The following PGAP4 variants were observed in gnomAD, a reference collection of about 807,000 sequenced individuals.
PGAP4 encodes post-GPI attachment to proteins GalNAc transferase 4, also known as GPI-N-acetylgalactosamine transferase PGAP4.
PGAP4 carries 12 observed loss-of-function variants against 28.2 expected under a neutral mutation model. That is an observed-to-expected ratio of 0.42 (90% CI 0.27 to 0.69). The LOEUF is 0.69. Among genes scored for constraint, PGAP4 ranks in the 30% least tolerant of loss-of-function variants. The pLI is 0.22. For missense variants in PGAP4, 425 were observed against 513.5 expected (o/e 0.83, Z 1.67); for synonymous variants, 205 against 211.8 (o/e 0.97, Z 0.28).
intron 2 of PGAP4, among the ~76,000 whole-genome samples, chr9:101,500,097 T>G (rs1296538872): frequency 1.3e-5 from 2 of 152,078 alleles, no homozygotes; most frequent in African/African-American, 2.4e-5. Flanking sequence ...CATGTATTTG[T>G]TTTGCCTCTT....
chr9:101,522,714 T>C (rs1482598416), intron 2 of PGAP4, among the ~76,000 whole-genome samples: 2 of 152,196 alleles, frequency 1.3e-5, no homozygotes, highest in Admixed American at 1.3e-4. Flanking sequence ...ACATTCAATG[T>C]TAGTATTGAA....
At chr9:101,498,248 A>G (rs75353005) in intron 2 of PGAP4, among the ~76,000 whole-genome samples, 2,399 of 152,056 alleles carry the variant, frequency 0.016, 58 homozygotes, top group African/African-American at 0.054. Context: ...CAATTTTACA[A>G]TTACTAAAGC....
At chr9:101,516,833 G>A (rs1263450116) in intron 2 of PGAP4, among the ~76,000 whole-genome samples, 2 of 152,088 alleles carry the variant, frequency 1.3e-5, no homozygotes, top group African/African-American at 2.4e-5. Context: ...ATCACATGAG[G>A]TTGGTTATCA....
At chr9:101,522,287 AC>A (rs1231176408) in intron 2 of PGAP4, among the ~76,000 whole-genome samples, 2 of 152,106 alleles carry the variant, frequency 1.3e-5, no homozygotes, top group Non-Finnish European at 2.9e-5. Flanking sequence ...TGTCTTGATG[AC>A]CTGTCTAGTG....
At chr9:101,508,220 T>C (rs887327012) in intron 2 of PGAP4, among the ~76,000 whole-genome samples, 3 of 151,502 alleles carry the variant, frequency 2.0e-5, no homozygotes, top group Non-Finnish European at 2.9e-5. Context: ...TATGAGTTCA[T>C]TGAAAGTGGC....
chr9:101,495,888 T>C (rs933983188), intron 2 of PGAP4, among the ~76,000 whole-genome samples: 1 of 151,134 alleles, frequency 6.6e-6, no homozygotes, highest in Non-Finnish European at 1.5e-5. Context: ...TGTGATTACG[T>C]TTCCTTATGT....
intron 2 of PGAP4, among the ~76,000 whole-genome samples, chr9:101,526,746 G>A (rs931643202): frequency 2.6e-5 from 4 of 152,098 alleles, no homozygotes; most frequent in Non-Finnish European, 5.9e-5. Flanking sequence ...ACTGCGCCTG[G>A]CCCCAGTTAC....
chr9:101,517,552 G>A lies in PGAP4; in HGVS notation c.-165+13796C>T, dbSNP rs562538006. 2.0e-5 allele frequency among the ~76,000 whole-genome samples: 3 copies of A among 152,156 alleles called. No individual in the cohort carries two copies. In the South Asian group the frequency reaches 6.2e-4, roughly 32 times the overall value. On this transcript the variant is annotated intron_variant, in intron 2 of 3. Coordinates refer to the PGAP4 transcript ENST00000374851. The stretch of plus-strand genomic sequence containing the variant: ...AACTAAAATCAAATATGTGCTTTTA[G>A]AGGGGTACATCTAGATACAAGAAAA...
At chr9:101,516,250 A>T (rs1826942742) in intron 2 of PGAP4, among the ~76,000 whole-genome samples, 1 of 152,154 alleles carries the variant, frequency 6.6e-6, no homozygotes, top group Admixed American at 6.5e-5. Context: ...TTCCAAAAAA[A>T]GTCTGTCTCA....
intron 2 of PGAP4, among the ~76,000 whole-genome samples, chr9:101,513,589 C>T (rs1334727020): frequency 6.6e-6 from 1 of 152,108 alleles, no homozygotes; most frequent in African/African-American, 2.4e-5. Flanking sequence ...AATGCACATG[C>T]CTCTTAGCAA....
chr9:101,508,879 T>C (rs1588207924), intron 2 of PGAP4, among the ~76,000 whole-genome samples: 1 of 152,168 alleles, frequency 6.6e-6, no homozygotes, highest in East Asian at 1.9e-4. Context: ...TTCAGTCTAC[T>C]CTGTAACCTC....
chr9:101,490,767 C>T (rs541495980), upstream of PGAP4, among the ~76,000 whole-genome samples: 3 of 152,290 alleles, frequency 2.0e-5, no homozygotes, highest in South Asian at 4.1e-4. Flanking sequence ...GGTGGAAGTA[C>T]TTCTTCTTTG....
chr9:101,501,757 C>T (rs1826803033), intron 2 of PGAP4: 1 of 518,714 alleles, frequency 1.9e-6, no homozygotes, highest in African/African-American at 1.9e-5. Flanking sequence ...TCTTTCTGTC[C>T]CAACTAACAT....
intron 2 of PGAP4, among the ~76,000 whole-genome samples, chr9:101,500,657 G>A (rs1166414520): frequency 6.6e-6 from 1 of 151,836 alleles, no homozygotes; most frequent in East Asian, 1.9e-4. Flanking sequence ...GAAAGTCATT[G>A]TGAGTCCTTT....
chr9:101,478,539 G>T (rs1826392676), intron 1 of PGAP4, among the ~76,000 whole-genome samples: 1 of 152,216 alleles, frequency 6.6e-6, no homozygotes. Flanking sequence ...CACACAGAAA[G>T]ACCTCATTTC....
chr9:101,508,968 C>T (rs1374293990), intron 2 of PGAP4, among the ~76,000 whole-genome samples: 2 of 152,154 alleles, frequency 1.3e-5, no homozygotes, highest in South Asian at 4.1e-4. Context: ...TTTCAGTGCT[C>T]TTGTGGCAAT....
chr9:101,515,169 T>G (rs1022162536), intron 2 of PGAP4, among the ~76,000 whole-genome samples: 4 of 152,176 alleles, frequency 2.6e-5, no homozygotes, highest in Admixed American at 2.0e-4. Context: ...TTGGCAGAGT[T>G]GCTCCTTTTG....
chr9:101,531,177 C>G (rs1035883422), intron 2 of PGAP4: 4 of 150,156 alleles, frequency 2.7e-5, no homozygotes, highest in Admixed American at 1.4e-4. Flanking sequence ...CCCTCTCTCT[C>G]TTTCTCAAAT....
chr9:101,519,203 G>C (rs1826964966), intron 2 of PGAP4, among the ~76,000 whole-genome samples: 1 of 152,062 alleles, frequency 6.6e-6, no homozygotes, highest in Non-Finnish European at 1.5e-5. Context: ...TGTCACCCAG[G>C]CTGGAGTGCA....
Sources: allele counts gnomAD v4.1 joint callset (sites outside exome capture counted in the v4.1 genomes callset), GRCh38; gene constraint gnomAD v4.1.1; transcripts MANE v1.5; gene names NCBI Gene and HGNC (gene_info 2026-07-23, HGNC 2026-07-21).